Variants in SULT4A1 observed in about 807,000 individuals in gnomAD.
SULT4A1 encodes the protein sulfotransferase 4A1.
Under a neutral mutation model 35.2 loss-of-function variants are expected in SULT4A1, and 11 were observed. The observed-to-expected ratio is 0.31, with a 90% CI of 0.20 to 0.52. The LOEUF is 0.52. Ranked by LOEUF, SULT4A1 falls within the 20% of genes least tolerant of loss-of-function variation. The probability of loss-of-function intolerance (pLI) is 0.97; values close to 1 mark genes in which losing one functional copy is unlikely to be tolerated. For synonymous variants in SULT4A1, 152 were observed against 151.8 expected (o/e 1.00, Z -0.01); for missense variants, 271 against 383.7 (o/e 0.71, Z 2.45).
intron 2 of SULT4A1, 99 bp from the exon 3 acceptor site, chr22:43,840,124 T>C: frequency 2.0e-6 from 1 of 500,732 alleles, no homozygotes; most frequent in Non-Finnish European, 3.3e-6. Context: ...AAGGAAGGGG[T>C]GGGGTTCAGG....
At chr22:43,826,969 G>A (rs1247206249) in intron 6 of SULT4A1, 2 of 985,322 alleles carry the variant, frequency 2.0e-6, no homozygotes, top group Non-Finnish European at 2.4e-6. Context: ...TGAAGGCTTT[G>A]GAAAAACGAA....
chr22:43,846,257 GCA>G (rs1384062701), intron 1 of SULT4A1, among the ~76,000 whole-genome samples: 1 of 152,222 alleles, frequency 6.6e-6, no homozygotes, highest in African/African-American at 2.4e-5. Context: ...CGCTCAGTCA[GCA>G]CAGTCTCCTT....
intron 4 of SULT4A1, among the ~76,000 whole-genome samples, chr22:43,836,848 C>CA (rs1408209715): frequency 1.8e-4 from 27 of 152,116 alleles, no homozygotes; most frequent in Non-Finnish European, 4.4e-5. Context: ...ACCCAGCCTA[C>CA]ACAGCGTCCT....
At chr22:43,835,196 G>A (rs952383260) in intron 4 of SULT4A1, among the ~76,000 whole-genome samples, 1 of 152,262 alleles carries the variant, frequency 6.6e-6, no homozygotes, top group Non-Finnish European at 1.5e-5. Context: ...CAGAGCCCTT[G>A]GTGTGGGGTG....
At chr22:43,826,270 AC>A (rs2063286195) in intron 6 of SULT4A1, 157 bp from the exon 7 acceptor site, 12 of 985,220 alleles carry the variant, frequency 1.2e-5, no homozygotes, top group Non-Finnish European at 1.4e-5. Context: ...TGAGCTACAG[AC>A]CAGGTGGTCC....
intron 5 of SULT4A1, among the ~76,000 whole-genome samples, chr22:43,831,288 C>CGGCAGCTGCCCCGGAGATGTGTG (rs2063324024): frequency 6.6e-6 from 1 of 151,318 alleles, no homozygotes; most frequent in Non-Finnish European, 1.5e-5. Context: ...ACTGCTGACC[C>CGGCAGCTGCCCCGGAGATGTGTG]GGCAGCTGCC....
chr22:43,833,610 C>A (rs780991083), intron 5 of SULT4A1, 30 bp downstream of exon 5: 1 of 1,567,478 alleles, frequency 6.4e-7, no homozygotes. Context: ...GCCAGGGCAC[C>A]CGGAGGACAG....
intron 1 of SULT4A1, among the ~76,000 whole-genome samples, chr22:43,850,779 G>T (rs1021039332): frequency 7.2e-5 from 11 of 152,168 alleles, no homozygotes; most frequent in African/African-American, 2.7e-4. Flanking sequence ...CACCTCCCAT[G>T]TGAGGGACAG....
chr22:43,833,807 C>T, intron 4 of SULT4A1, 73 bp from the exon 5 acceptor site: 3 of 1,299,876 alleles, frequency 2.3e-6, no homozygotes, highest in South Asian at 1.3e-5. Context: ...ATCCCCACCC[C>T]ACAGGGCTGC....
chr22:43,859,127 G>C (rs569985518), intron 1 of SULT4A1, among the ~76,000 whole-genome samples: 4 of 152,262 alleles, frequency 2.6e-5, no homozygotes, highest in African/African-American at 9.6e-5. Flanking sequence ...CAGGCACAGT[G>C]ACATACACAC....
intron 4 of SULT4A1, among the ~76,000 whole-genome samples, chr22:43,837,901 T>C (rs999922374): frequency 6.6e-6 from 1 of 152,180 alleles, no homozygotes; most frequent in Admixed American, 6.5e-5. Flanking sequence ...CACTGAACAA[T>C]GCGGCTCAGC....
rs749337821 is a variant in SULT4A1 at position 43,826,010 on chromosome 22, A to G, written c.846T>C (p.Phe282=). ...KMGKCDLTFD[F]YL Reference sequence around the variant, plus strand: ...GTTGTTGTTTCTGTTATTATAAATAAAAGTCAAACGTGAGGTCACACTTTC... The same window carrying G: ...GTTGTTGTTTCTGTTATTATAAATAGAAGTCAAACGTGAGGTCACACTTTC... Residue 282 remains phenylalanine, a synonymous_variant, in exon 7 of 7, where the codon TTT becomes TTC. Transcript: ENST00000330884. 50 of 1,613,938 alleles carry G rather than the reference A, an allele frequency of 3.1e-5. No individual in the cohort carries two copies. In the South Asian group the frequency reaches 5.2e-4, roughly 17 times the overall value.
chr22:43,839,131 T>G, intron 3 of SULT4A1, 138 bp from the exon 4 acceptor site: 1 of 1,148,968 alleles, frequency 8.7e-7, no homozygotes, highest in Non-Finnish European at 1.2e-6. Context: ...CTGGGGCCCA[T>G]GTGCACGGCT....
rs140921658 is a variant in SULT4A1, at chr22:43,827,342, T to C, written c.743-1229A>G. ...ACCCAACGTAACACGGACTTTCTCT[T>C]TGGTAACAAAAAATTATCAGTGTTG... On this transcript the variant is annotated intron_variant, in intron 6 of 6. Transcript: ENST00000330884. 3.0e-6 allele frequency: 3 copies of C among 985,430 alleles called. No homozygotes were observed. In the East Asian group the frequency reaches 3.4e-4, roughly 112 times the overall value. The allele number at this position is 985,430 out of a possible 1,614,324, so 61.0% of individuals were successfully genotyped here. A position where few individuals can be genotyped will look rare whatever the true frequency, so the allele number is the denominator to read the frequency against.
intron 3 of SULT4A1, among the ~76,000 whole-genome samples, chr22:43,839,563 G>T (rs2063407661): frequency 6.6e-6 from 1 of 152,172 alleles, no homozygotes; most frequent in Non-Finnish European, 1.5e-5. Context: ...ACTCCAGCCT[G>T]GGCGACAGAC....
chr22:43,843,897 G>A (rs2063453642), intron 1 of SULT4A1, among the ~76,000 whole-genome samples: 1 of 152,236 alleles, frequency 6.6e-6, no homozygotes. Flanking sequence ...TATAGCCAGT[G>A]GGTGAGACAC....
chr22:43,826,893 T>TC, intron 6 of SULT4A1: 2 of 985,448 alleles, frequency 2.0e-6, no homozygotes, highest in South Asian at 9.4e-5. Flanking sequence ...CCAGACCTCT[T>TC]CCTGGCAGCC....
At chr22:43,834,263 G>T (rs138071) in intron 4 of SULT4A1, among the ~76,000 whole-genome samples, 28,288 of 133,458 alleles carry the variant, frequency 0.21, 4,090 homozygotes, top group African/African-American at 0.36. Context: ...CCAAGAGGCC[G>T]GCACTCCCGC....
At chr22:43,852,070 C>A in intron 1 of SULT4A1, among the ~76,000 whole-genome samples, 1 of 152,198 alleles carries the variant, frequency 6.6e-6, no homozygotes, top group Non-Finnish European at 1.5e-5. Flanking sequence ...CAGACACCAG[C>A]GTGTGTGTTC....
Sources: gnomAD v4.1 joint callset for allele counts (sites outside exome capture counted in the v4.1 genomes callset) on GRCh38, gnomAD v4.1.1 for gene constraint, MANE v1.5 for transcripts, NCBI Gene and HGNC (gene_info 2026-07-23, HGNC 2026-07-21) for gene names.